LARGE1: variants seen among roughly 807,000 people sequenced by gnomAD.
LARGE1 encodes xylosyl- and glucuronyltransferase LARGE1.
A neutral mutation model predicts 87.6 loss-of-function variants in LARGE1; 43 were observed. The observed-to-expected ratio is 0.49, with a 90% confidence interval of 0.38 to 0.63. The LOEUF is 0.63. Ranked by LOEUF, LARGE1 falls within the 30% of genes least tolerant of loss-of-function variation. LARGE1 has a pLI of 0.00. For missense variants in LARGE1, 802 were observed against 1,000.2 expected (o/e 0.80, Z 2.67); for synonymous variants, 434 against 394.6 (o/e 1.10, Z -1.18).
intron 6 of LARGE1, among the ~76,000 whole-genome samples, chr22:33,458,238 TGG>T (rs2068220960): frequency 6.6e-6 from 1 of 151,388 alleles, no homozygotes; most frequent in Non-Finnish European, 1.5e-5. Context: ...TCCCAGTAGC[TGG>T]GACTACAGGT....
chr22:33,259,092 A>G (rs780717824), intron 11 of LARGE1, among the ~76,000 whole-genome samples: 2 of 151,960 alleles, frequency 1.3e-5, no homozygotes, highest in Non-Finnish European at 2.9e-5. Context: ...GTTGGCCAGG[A>G]TGGTCTTGAA....
chr22:33,360,588 A>C (rs1056288374), intron 9 of LARGE1, among the ~76,000 whole-genome samples: 1 of 149,338 alleles, frequency 6.7e-6, no homozygotes, highest in Non-Finnish European at 1.5e-5. Context: ...GGATGGTGCT[A>C]AACCATTCAT....
At chr22:33,109,394 T>C in the LARGE1 span, among the ~76,000 whole-genome samples, 1 of 152,036 alleles carries the variant, frequency 6.6e-6, no homozygotes, top group Admixed American at 6.6e-5. Context: ...GGAATGATCA[T>C]GGCACACTGC....
downstream of LARGE1, among the ~76,000 whole-genome samples, chr22:33,157,722 T>G (rs1051684117): frequency 3.9e-5 from 6 of 152,228 alleles, no homozygotes; most frequent in Admixed American, 3.9e-4. Flanking sequence ...CATGATACCC[T>G]TCTTTTAGTA....
chr22:33,275,183 T>G (rs576826821), intron 14 of LARGE1, among the ~76,000 whole-genome samples: 1 of 152,314 alleles, frequency 6.6e-6, no homozygotes, highest in South Asian at 2.1e-4. Context: ...AACCTCTCCC[T>G]GACACATCTT....
Position 33,358,587 on chromosome 22 carries a change from G to A in LARGE1, c.1132-20786C>T, listed in dbSNP as rs5998893. On this transcript the variant is annotated intron_variant, in intron 9 of 14. Coordinates refer to ENST00000397394, the MANE Select transcript of LARGE1 (RefSeq NM_133642.5). The stretch of plus-strand genomic sequence containing the variant: ...GATATATCATTTCCTCCTATGGCTG[G>A]CATCTTTTCTCTTGGTTTTTCTCTT... Among the ~76,000 whole-genome samples, 850 of 152,144 alleles carry A rather than the reference G, an allele frequency of 5.6e-3. 13 individuals are homozygous for A. The highest frequency in any genetic ancestry group is 0.019 in the African/African-American group (789 of 41,504).
chr22:33,121,799 G>C, the LARGE1 span, among the ~76,000 whole-genome samples: 1 of 152,144 alleles, frequency 6.6e-6, no homozygotes, highest in Non-Finnish European at 1.5e-5. Flanking sequence ...CACATGGCTG[G>C]GGAGGCCTCA....
At chr22:33,510,651 C>T (rs1216977306) in intron 6 of LARGE1, among the ~76,000 whole-genome samples, 1 of 152,226 alleles carries the variant, frequency 6.6e-6, no homozygotes, top group Non-Finnish European at 1.5e-5. Context: ...TCTTGGCTCA[C>T]TGCAACCTTG....
the LARGE1 span, among the ~76,000 whole-genome samples, chr22:33,122,236 T>C: frequency 0.028 from 4,298 of 152,228 alleles, 213 homozygotes; most frequent in African/African-American, 0.098. Context: ...ATCTTAGGAA[T>C]TGATCTGGAA....
At chr22:33,306,269 C>A (rs1282371887) in intron 11 of LARGE1, among the ~76,000 whole-genome samples, 1 of 152,178 alleles carries the variant, frequency 6.6e-6, no homozygotes, top group Admixed American at 6.5e-5. Context: ...TTGAATTATG[C>A]CTCCTGCACC....
intron 12 of LARGE1, among the ~76,000 whole-genome samples, chr22:33,291,320 G>A (rs142143071): frequency 5.6e-4 from 85 of 152,288 alleles, no homozygotes; most frequent in Middle Eastern, 6.8e-3. Context: ...CAATGGTCAC[G>A]ATTTGCCTGA....
At chr22:33,470,824 T>C (rs2068799674) in intron 6 of LARGE1, among the ~76,000 whole-genome samples, 1 of 152,028 alleles carries the variant, frequency 6.6e-6, no homozygotes, top group Admixed American at 6.6e-5. Context: ...CAGTGTAGTC[T>C]CATAGAAACA....
At chr22:33,190,368 C>T (rs1303652199) in intron 11 of LARGE1, among the ~76,000 whole-genome samples, 1 of 152,224 alleles carries the variant, frequency 6.6e-6, no homozygotes, top group Non-Finnish European at 1.5e-5. Context: ...ACCACGTCCT[C>T]CTTCTCCAGC....
intron 5 of LARGE1, among the ~76,000 whole-genome samples, 179 bp downstream of exon 5, chr22:33,604,256 A>C (rs2079188071): frequency 6.6e-6 from 1 of 152,220 alleles, no homozygotes. Context: ...GTGCACTCAA[A>C]GGGGTTACTT....
At chr22:33,760,220 C>T (rs1241994049) in intron 2 of LARGE1, among the ~76,000 whole-genome samples, 3 of 152,192 alleles carry the variant, frequency 2.0e-5, no homozygotes, top group Non-Finnish European at 2.9e-5. Flanking sequence ...GTCAGCTCTT[C>T]ACCACTGCCG....
intron 1 of LARGE1, among the ~76,000 whole-genome samples, chr22:33,773,596 A>G (rs528871511): frequency 6.6e-6 from 1 of 152,320 alleles, no homozygotes; most frequent in Non-Finnish European, 1.5e-5. Flanking sequence ...GTTATATAAC[A>G]AGCAAACTCC....
chr22:33,132,865 G>A, the LARGE1 span, among the ~76,000 whole-genome samples: 6 of 152,088 alleles, frequency 3.9e-5, 1 homozygote, highest in East Asian at 1.2e-3. Flanking sequence ...CTTTTAAGAC[G>A]ATAATTTATT....
At chr22:33,643,649 A>T in intron 3 of LARGE1, among the ~76,000 whole-genome samples, 1 of 152,212 alleles carries the variant, frequency 6.6e-6, no homozygotes, top group East Asian at 1.9e-4. Flanking sequence ...AGATTAACAA[A>T]ATATATAGGC....
At chr22:33,370,100 C>A (rs537126588) in intron 9 of LARGE1, among the ~76,000 whole-genome samples, 2 of 152,160 alleles carry the variant, frequency 1.3e-5, no homozygotes, top group African/African-American at 4.8e-5. Flanking sequence ...GGACTGATAG[C>A]CTAAAATAAT....
Sources: allele counts gnomAD v4.1 joint callset (sites outside exome capture counted in the v4.1 genomes callset), GRCh38; gene constraint gnomAD v4.1.1; transcripts MANE v1.5; gene names NCBI Gene and HGNC (gene_info 2026-07-23, HGNC 2026-07-21).